The following POF1B variants were observed in gnomAD, a reference collection of about 807,000 sequenced individuals.
POF1B encodes the protein protein POF1B.
POF1B carries 53 observed loss-of-function variants against 55.3 expected under a neutral mutation model. The ratio of observed to expected loss-of-function variants is 0.96; its 90% confidence interval spans 0.77 to 1.20. The LOEUF is 1.20. Ranked by LOEUF, POF1B falls within the 50% of genes most tolerant of loss-of-function variation. The pLI, the probability that POF1B is intolerant of heterozygous loss-of-function variation, is 0.00. For synonymous variants in POF1B, 188 were observed against 148.3 expected (o/e 1.27, Z -1.95); for missense variants, 478 against 420.5 (o/e 1.14, Z -1.20).
chrX:85,295,155 T>C (rs1458337785), intron 15 of POF1B, among the ~76,000 whole-genome samples: 3 of 112,074 alleles, frequency 2.7e-5, no homozygotes, highest in Non-Finnish European at 5.6e-5. Context: ...TTTTTTATTC[T>C]TTCGAAGTAC....
rs377493800 is a variant in POF1B, at chrX:85,345,983, G to A, written c.600C>T (p.His200=). 3 of 1,204,010 alleles carry A rather than the reference G, an allele frequency of 2.5e-6. No homozygotes were observed. The African/African-American group carries it at 5.3e-5, about 21-fold the overall frequency. The change falls in exon 6 of 17, where the codon CAC becomes CAT. Residue 200 remains histidine, a synonymous_variant. Transcript: ENST00000262753. ...HHIIQQPQVI[H]SAHWQQPDSS... ...AATCAGGTTGTTGCCAGTGTGCAGA[G>A]TGGATGACCTGGGGCTGTTGGATAA...
rs769331961 is a variant in POF1B, at chrX:85,279,381, A to C, written c.*40T>G. 22 of 1,162,153 alleles carry C rather than the reference A, an allele frequency of 1.9e-5. 1 individual carries two copies. Among genetic ancestry groups the C allele is most frequent in the Admixed American group, 1.1e-4 (5 of 43,525 alleles). On this transcript the variant is annotated 3_prime_UTR_variant, in exon 17 of 17. Coordinates refer to ENST00000262753, the MANE Select transcript of POF1B (RefSeq NM_024921.4). ...TAATGCAGAGACACACACACAAAAA[A>C]AAAACGGCTTTGAGTTGTAATACTT...
intron 6 of POF1B, among the ~76,000 whole-genome samples, chrX:85,339,042 G>A (rs747616969): frequency 9.0e-6 from 1 of 110,694 alleles, no homozygotes; most frequent in East Asian, 2.9e-4. Context: ...AAGAAGGGGG[G>A]CTGTTCTCAT....
intron 15 of POF1B, among the ~76,000 whole-genome samples, chrX:85,292,147 G>A (rs73627350): frequency 0.019 from 2,146 of 111,468 alleles, 47 homozygotes; most frequent in African/African-American, 0.066. Flanking sequence ...TGACATAAAT[G>A]GGTGTTGAAT....
chrX:85,366,214 A>C (rs1466696673), intron 3 of POF1B, among the ~76,000 whole-genome samples: 1 of 111,618 alleles, frequency 9.0e-6, no homozygotes, highest in Non-Finnish European at 1.9e-5. Context: ...TCTTATGGAG[A>C]GGGGGAAGAT....
intron 4 of POF1B, 26 bp downstream of exon 4, chrX:85,359,524 T>C (rs747742067): frequency 4.7e-5 from 51 of 1,077,845 alleles, no homozygotes; most frequent in Non-Finnish European, 6.3e-5. Flanking sequence ...TAAAGAATTA[T>C]ATGTTGGTAA....
intron 7 of POF1B, among the ~76,000 whole-genome samples, chrX:85,325,791 A>G (rs1005567922): frequency 9.0e-6 from 1 of 111,669 alleles, no homozygotes; most frequent in African/African-American, 3.3e-5. Context: ...GGTTATCTCT[A>G]ATCTTTGTGG....
intron 4 of POF1B, among the ~76,000 whole-genome samples, chrX:85,355,555 T>C (rs1286560148): frequency 9.0e-6 from 1 of 111,096 alleles, no homozygotes; most frequent in Non-Finnish European, 1.9e-5. Context: ...TTGCAATCTA[T>C]TCATCTGACA....
chrX:85,360,045 C>A (rs1933575487), intron 3 of POF1B, among the ~76,000 whole-genome samples: 1 of 110,242 alleles, frequency 9.1e-6, no homozygotes, highest in African/African-American at 3.3e-5. Context: ...ACATATAAAT[C>A]CTCAGTGTGC....
chrX:85,361,516 T>C (rs1569297872), intron 3 of POF1B, among the ~76,000 whole-genome samples: 1 of 111,235 alleles, frequency 9.0e-6, no homozygotes, highest in East Asian at 2.8e-4. Context: ...GATCTGATAG[T>C]TGTAGGTGTG....
At chrX:85,281,612 A>G (rs1227818370) in intron 16 of POF1B, among the ~76,000 whole-genome samples, 1 of 109,620 alleles carries the variant, frequency 9.1e-6, no homozygotes, top group Non-Finnish European at 1.9e-5. Context: ...ATTGGAGTAT[A>G]TGATGTTTAA....
chrX:85,357,591 A>C (rs1402873266), intron 4 of POF1B, among the ~76,000 whole-genome samples: 1 of 110,921 alleles, frequency 9.0e-6, no homozygotes, highest in Non-Finnish European at 1.9e-5. Flanking sequence ...TCATCTTCTT[A>C]TGCCTTTTGG....
intron 15 of POF1B, among the ~76,000 whole-genome samples, chrX:85,302,470 A>G (rs1264545024): frequency 9.9e-5 from 11 of 111,389 alleles, no homozygotes; most frequent in Non-Finnish European, 2.1e-4. Context: ...AGAAAGTGGA[A>G]CCGTCATACA....
chrX:85,379,392 C>T lies in POF1B; in HGVS notation c.63G>A (p.Glu21=). The change falls in exon 2 of 17, where the codon GAG becomes GAA. Residue 21 remains glutamate, a synonymous_variant. Coordinates refer to ENST00000262753, the MANE Select transcript of POF1B (RefSeq NM_024921.4). ...SSSCGTQQLP[E]VLQCQPQHYH... is the part of the protein sequence containing the mutation. ...AATGCTGGGGCTGGCACTGCAGCACCTCTGGGAGCTGCTGGGTTCCACAGC... is the reference window on the plus strand; with the variant it reads ...AATGCTGGGGCTGGCACTGCAGCACTTCTGGGAGCTGCTGGGTTCCACAGC... The T allele has an allele frequency of 8.3e-7, 1 of 1,210,003 alleles. No individual in the cohort carries two copies. Among genetic ancestry groups the T allele is most frequent in the East Asian group, 3.0e-5 (1 of 33,749 alleles).
intron 13 of POF1B, 151 bp downstream of exon 13, chrX:85,305,640 G>C (rs1055093856): frequency 3.9e-5 from 19 of 486,075 alleles, no homozygotes; most frequent in Non-Finnish European, 5.7e-5. Flanking sequence ...TTTAGATACA[G>C]TAATGTATTT....
intron 15 of POF1B, among the ~76,000 whole-genome samples, chrX:85,293,745 G>A (rs1332082997): frequency 8.9e-6 from 1 of 111,905 alleles, no homozygotes; most frequent in Non-Finnish European, 1.9e-5. Context: ...AGGCCAAGGG[G>A]CAGATCACCC....
At chrX:85,289,604 C>T (rs766590020) in intron 15 of POF1B, among the ~76,000 whole-genome samples, 30 of 111,057 alleles carry the variant, frequency 2.7e-4, no homozygotes, top group Non-Finnish European at 4.9e-4. Flanking sequence ...TATTCAAGCC[C>T]GGGGGCATCC....
At chrX:85,362,896 G>A (rs895984522) in intron 3 of POF1B, among the ~76,000 whole-genome samples, 1 of 110,795 alleles carries the variant, frequency 9.0e-6, no homozygotes, top group Non-Finnish European at 1.9e-5. Flanking sequence ...TGGTTGTTAG[G>A]CTATTTATTA....
chrX:85,364,323 G>A (rs1437924703), intron 3 of POF1B, among the ~76,000 whole-genome samples: 7 of 111,342 alleles, frequency 6.3e-5, no homozygotes, highest in African/African-American at 2.3e-4. Flanking sequence ...CGGCTTGTTT[G>A]TGTGGCTGCT....
Sources: allele counts gnomAD v4.1 joint callset (sites outside exome capture counted in the v4.1 genomes callset), GRCh38; gene constraint gnomAD v4.1.1; transcripts MANE v1.5; gene names NCBI Gene and HGNC (gene_info 2026-07-23, HGNC 2026-07-21).